Variants in MAGI1 observed in about 807,000 individuals in gnomAD.
MAGI1 encodes the protein membrane-associated guanylate kinase, WW and PDZ domain-containing protein 1.
A neutral mutation model predicts 139.9 loss-of-function variants in MAGI1; 58 were observed. The observed-to-expected ratio is 0.41, with a 90% CI of 0.34 to 0.52. MAGI1 has a LOEUF of 0.52. MAGI1 is among the 20% of genes least tolerant of loss of function. The pLI is 0.12. For missense variants in MAGI1, 1,874 were observed against 1,901.6 expected (o/e 0.99, Z 0.27); for synonymous variants, 812 against 737.9 (o/e 1.10, Z -1.63).
At chr3:66,025,329 A>G (rs1378688260) in intron 1 of MAGI1, among the ~76,000 whole-genome samples, 1 of 152,174 alleles carries the variant, frequency 6.6e-6, no homozygotes. Context: ...GCTTGAGCCC[A>G]GGATTCTGAG....
intron 1 of MAGI1, among the ~76,000 whole-genome samples, chr3:65,979,687 A>T (rs917892409): frequency 4.6e-5 from 7 of 152,166 alleles, no homozygotes; most frequent in Admixed American, 4.6e-4. Flanking sequence ...CTCTGCAAAG[A>T]GTCGATAGGT....
chr3:65,815,247 C>A (rs988743728), intron 1 of MAGI1, among the ~76,000 whole-genome samples: 2 of 152,194 alleles, frequency 1.3e-5, no homozygotes, highest in African/African-American at 2.4e-5. Flanking sequence ...AAATATCTGT[C>A]CTAATCCAGC....
chr3:65,901,317 A>C (rs2061222690), intron 1 of MAGI1, among the ~76,000 whole-genome samples: 1 of 152,206 alleles, frequency 6.6e-6, no homozygotes, highest in South Asian at 2.1e-4. Flanking sequence ...CTGGGAGCTC[A>C]GAGAAAGTGT....
At chr3:65,386,946 C>T (rs1943489712) in intron 14 of MAGI1, among the ~76,000 whole-genome samples, 2 of 152,176 alleles carry the variant, frequency 1.3e-5, no homozygotes, top group Admixed American at 6.5e-5. Context: ...CCAGACTTGA[C>T]AAGGGCATGC....
At chr3:65,465,792 C>A (rs983714261) in intron 5 of MAGI1, among the ~76,000 whole-genome samples, 2 of 152,138 alleles carry the variant, frequency 1.3e-5, no homozygotes, top group African/African-American at 4.8e-5. Flanking sequence ...ACCATTAGTT[C>A]TTCAAGTACT....
intron 1 of MAGI1, among the ~76,000 whole-genome samples, chr3:65,922,665 A>G (rs936835821): frequency 1.3e-5 from 2 of 152,352 alleles, no homozygotes; most frequent in South Asian, 4.1e-4. Flanking sequence ...CCAGTTTGTG[A>G]TATTTTATTA....
chr3:65,509,736 C>T (rs2077482756), intron 2 of MAGI1, among the ~76,000 whole-genome samples: 2 of 152,148 alleles, frequency 1.3e-5, no homozygotes, highest in African/African-American at 4.8e-5. Flanking sequence ...GAGGGGCGCC[C>T]GCCATTGCCC....
chr3:65,430,825 T>G lies in MAGI1; in HGVS notation c.1420A>C (p.Lys474Gln). Residue 474 changes from lysine to glutamine, a missense_variant, in exon 11 of 23, where the codon AAG becomes CAG. By Grantham distance (53) the Lys-to-Gln change is moderately conservative. Transcript: ENST00000402939. ...SELKGKFIHTKLRKSSRGFGF... is the reference protein window; with the variant it reads ...SELKGKFIHTQLRKSSRGFGF... ...AAGCCACGACTGCTTTTCCGCAGCT[T>G]TGTGTGAATGAACTTGCCTTTCAAC... The G allele has an allele frequency of 6.2e-7, 1 of 1,613,308 alleles. No homozygotes were observed. Among genetic ancestry groups the G allele is most frequent in the Non-Finnish European group, 8.5e-7 (1 of 1,179,676 alleles).
chr3:65,643,264 T>C (rs1180689317), intron 1 of MAGI1, among the ~76,000 whole-genome samples: 1 of 152,176 alleles, frequency 6.6e-6, no homozygotes, highest in Non-Finnish European at 1.5e-5. Flanking sequence ...ATAGAACTAG[T>C]TTTCTTAGTA....
intron 17 of MAGI1, 43 bp downstream of exon 17, chr3:65,379,218 G>T: frequency 6.2e-7 from 1 of 1,607,110 alleles, no homozygotes; most frequent in African/African-American, 1.3e-5. Flanking sequence ...AAAACTCCCA[G>T]GCATGGTGGG....
Position 65,854,414 on chromosome 3 carries a change from C to T in MAGI1, c.313+183582G>A, listed in dbSNP as rs565828737. ...ATGTGACAGTGCTTTGTACATACAACTTTGAAAGAATAGGTGCATGAGGCA... is the reference window on the plus strand; with the variant it reads ...ATGTGACAGTGCTTTGTACATACAATTTTGAAAGAATAGGTGCATGAGGCA... On this transcript the variant is annotated intron_variant, in intron 1 of 22. Coordinates refer to ENST00000402939, the MANE Select transcript of MAGI1 (RefSeq NM_001033057.2). Among the ~76,000 whole-genome samples, 5 of 152,298 alleles carry T rather than the reference C, an allele frequency of 3.3e-5. No individual in the cohort carries two copies. The South Asian group carries it at 1.0e-3, about 32-fold the overall frequency.
At chr3:66,009,139 A>G (rs1391322378) in intron 1 of MAGI1, 4 of 152,312 alleles carry the variant, frequency 2.6e-5, no homozygotes, top group Non-Finnish European at 5.9e-5. Flanking sequence ...AGCAAAAGAA[A>G]AACACACACA....
At chr3:65,596,990 A>G (rs2082236841) in intron 2 of MAGI1, among the ~76,000 whole-genome samples, 1 of 152,044 alleles carries the variant, frequency 6.6e-6, no homozygotes, top group Non-Finnish European at 1.5e-5. Context: ...TCCGTTTCTA[A>G]TTTTCCCCGA....
chr3:65,597,584 C>T (rs1330638361), intron 2 of MAGI1: 1 of 435,792 alleles, frequency 2.3e-6, no homozygotes, highest in African/African-American at 2.0e-5. Context: ...CTGGCCCTCC[C>T]AAGCTGGCCG....
chr3:65,417,002 G>A (rs1005694196), intron 12 of MAGI1, among the ~76,000 whole-genome samples: 4 of 152,126 alleles, frequency 2.6e-5, no homozygotes, highest in Admixed American at 6.5e-5. Flanking sequence ...TTCATTTGAG[G>A]GAAATGAAGG....
intron 14 of MAGI1, 39 bp from the exon 15 acceptor site, chr3:65,383,662 T>A (rs368678177): frequency 3.2e-6 from 4 of 1,260,558 alleles, no homozygotes; most frequent in Non-Finnish European, 4.7e-6. Context: ...ATTATTTTAC[T>A]GATAAAAGCA....
At chr3:65,786,055 A>C (rs904418187) in intron 1 of MAGI1, among the ~76,000 whole-genome samples, 3 of 151,514 alleles carry the variant, frequency 2.0e-5, no homozygotes, top group African/African-American at 7.3e-5. Context: ...TCCTGGATTC[A>C]AGTGATTCTC....
chr3:65,591,508 C>A (rs940051811), intron 2 of MAGI1, among the ~76,000 whole-genome samples: 10 of 152,170 alleles, frequency 6.6e-5, no homozygotes, highest in African/African-American at 2.4e-4. Flanking sequence ...TGTCAGTGCT[C>A]TCTGCTTCCG....
intron 2 of MAGI1, among the ~76,000 whole-genome samples, chr3:65,564,125 T>C (rs141718365): frequency 6.6e-6 from 1 of 152,158 alleles, no homozygotes; most frequent in Non-Finnish European, 1.5e-5. Flanking sequence ...TTCACTCTTC[T>C]CAAAGCCGTC....
Sources: allele counts gnomAD v4.1 joint callset (sites outside exome capture counted in the v4.1 genomes callset), GRCh38; gene constraint gnomAD v4.1.1; transcripts MANE v1.5; gene names NCBI Gene and HGNC (gene_info 2026-07-23, HGNC 2026-07-21).